Variants in COL6A6 observed in about 807,000 individuals in gnomAD.
COL6A6 encodes collagen type VI alpha 6 chain.
In COL6A6, 183 loss-of-function variants were observed where a neutral mutation model predicts 208.6. The ratio of observed to expected loss-of-function variants is 0.88; its 90% CI spans 0.78 to 0.99. The LOEUF is 0.99. Among genes scored for constraint, COL6A6 ranks in the 50% least tolerant of loss-of-function variants. The pLI, the probability that COL6A6 is intolerant of heterozygous loss-of-function variation, is 0.00. For missense variants in COL6A6, 2,816 were observed against 2,815.2 expected, an observed-to-expected ratio of 1.00 and a Z score of -0.01; for synonymous variants, 973 against 1,011.8, an observed-to-expected ratio of 0.96 and a Z score of 0.73.
intron 11 of COL6A6, among the ~76,000 whole-genome samples, chr3:130,587,287 G>A (rs1441812929): frequency 6.6e-6 from 1 of 152,210 alleles, no homozygotes; most frequent in Admixed American, 6.5e-5. Context: ...GTTTGAGACA[G>A]TCTTGCTCTA....
chr3:130,536,984 TA>T (rs2062240683), intron 1 of COL6A6, among the ~76,000 whole-genome samples: 1 of 152,210 alleles, frequency 6.6e-6, no homozygotes, highest in South Asian at 2.1e-4. Context: ...TTTTTTTAAG[TA>T]AAACTAACAG....
At chr3:130,628,666 A>G (rs1005071166) in intron 26 of COL6A6, among the ~76,000 whole-genome samples, 3 of 152,242 alleles carry the variant, frequency 2.0e-5, no homozygotes, top group Admixed American at 6.5e-5. Flanking sequence ...CCTAAAATGA[A>G]TGATCAAGTT....
In COL6A6 at chr3:130,628,376, A is replaced by G. The variant is rs145491231; in HGVS notation, c.4992+1007A>G. Among the ~76,000 whole-genome samples the G allele has an allele frequency of 2.1e-3, 314 of 152,354 alleles. 1 individual carries two copies. The highest frequency in any genetic ancestry group is 7.1e-3 in the African/African-American group (294 of 41,592). ...AATAAATTTTTATGTGACACTTTCA[A>G]GTAAAAATTTAGAATATACTCAGAA... On this transcript the variant is annotated intron_variant, in intron 26 of 36. Coordinates refer to ENST00000358511, the MANE Select transcript of COL6A6 (RefSeq NM_001102608.3).
At chr3:130,634,229 A>G (rs2065034834) in intron 26 of COL6A6, among the ~76,000 whole-genome samples, 1 of 139,802 alleles carries the variant, frequency 7.2e-6, no homozygotes, top group African/African-American at 2.6e-5. Flanking sequence ...AAATAAATAA[A>G]TAAATAAATA....
chr3:130,652,012 G>A (rs2065659067), intron 33 of COL6A6, among the ~76,000 whole-genome samples: 1 of 152,090 alleles, frequency 6.6e-6, no homozygotes, highest in Non-Finnish European at 1.5e-5. Context: ...ACCAATGAAG[G>A]TTTAAATTCT....
intron 35 of COL6A6, 30 bp downstream of exon 35, chr3:130,662,338 C>T (rs2065959606): frequency 1.3e-6 from 2 of 1,580,994 alleles, no homozygotes; most frequent in African/African-American, 1.4e-5. Flanking sequence ...GTTCTCTGCA[C>T]TTTAAGAATA....
chr3:130,541,913 T>C (rs2062372622), intron 1 of COL6A6, among the ~76,000 whole-genome samples: 1 of 152,218 alleles, frequency 6.6e-6, no homozygotes, highest in Admixed American at 6.5e-5. Context: ...AAGGAATTGG[T>C]CCATTTCATC....
intron 6 of COL6A6, among the ~76,000 whole-genome samples, chr3:130,570,430 T>G (rs2107926132): frequency 6.6e-6 from 1 of 152,176 alleles, no homozygotes; most frequent in African/African-American, 2.4e-5. Flanking sequence ...GTGGCTAAAA[T>G]AAAAAGAAAA....
intron 24 of COL6A6, among the ~76,000 whole-genome samples, chr3:130,625,244 C>T (rs559288120): frequency 1.3e-5 from 2 of 152,258 alleles, no homozygotes; most frequent in African/African-American, 4.8e-5. Context: ...CTTCGTTACC[C>T]CAGAGTTCAG....
At chr3:130,547,862 G>A (rs1434095799) in intron 1 of COL6A6, among the ~76,000 whole-genome samples, 2 of 152,242 alleles carry the variant, frequency 1.3e-5, no homozygotes, top group African/African-American at 4.8e-5. Flanking sequence ...CAGCGGTGCC[G>A]TCTCGGCTCG....
Position 130,568,051 on chromosome 3 carries a change from CAA to C in COL6A6, c.1850_1851del (p.Lys617ArgfsTer5). On this transcript the variant is annotated frameshift_variant, in exon 6 of 37. Transcript: ENST00000358511. LOFTEE classifies it high-confidence loss of function. ...ATCACAGTTTTTCCTATGCAGCTTG[CAA>C]AGAGATGAAAGCTGACATCATGTTT... ...VQEICTEEAC[K>X]EMKADIMFLV... 1 of 1,602,222 alleles carries C rather than the reference CAA, an allele frequency of 6.2e-7. No homozygotes were observed. Among genetic ancestry groups the C allele is most frequent in the Non-Finnish European group, 8.5e-7 (1 of 1,174,186 alleles).
At chr3:130,658,578 C>A in intron 33 of COL6A6, 98 bp from the exon 34 acceptor site, 1 of 746,130 alleles carries the variant, frequency 1.3e-6, no homozygotes, top group Non-Finnish European at 2.3e-6. Context: ...TTAGAAGGAG[C>A]AGTGTTACTC....
chr3:130,584,790 A>G (rs1172564908), intron 10 of COL6A6, among the ~76,000 whole-genome samples: 1 of 150,652 alleles, frequency 6.6e-6, no homozygotes, highest in Admixed American at 6.6e-5. Context: ...AATTTTTTGT[A>G]TTTTCAGTAG....
chr3:130,625,175 G>A (rs968813693), intron 24 of COL6A6, among the ~76,000 whole-genome samples: 3 of 152,154 alleles, frequency 2.0e-5, no homozygotes, highest in Non-Finnish European at 4.4e-5. Context: ...TTTGAGAACC[G>A]CTGTCCTAAA....
intron 1 of COL6A6, among the ~76,000 whole-genome samples, chr3:130,548,000 C>T (rs758543452): frequency 3.9e-5 from 6 of 152,184 alleles, no homozygotes; most frequent in Admixed American, 1.3e-4. Flanking sequence ...ACCATGTTGG[C>T]CAGGCTGGTC....
At chr3:130,590,565 G>C (rs1368338579) in intron 12 of COL6A6, among the ~76,000 whole-genome samples, 1 of 146,614 alleles carries the variant, frequency 6.8e-6, no homozygotes, top group Non-Finnish European at 1.5e-5. Context: ...GCGGTGTTTG[G>C]TTTTTTTGTC....
chr3:130,546,488 A>T lies in COL6A6; in HGVS notation c.-31-13846A>T, dbSNP rs149919640. Among the ~76,000 whole-genome samples the T allele has an allele frequency of 4.2e-3, 644 of 152,312 alleles. 6 individuals carry two copies. Among genetic ancestry groups the T allele is most frequent in the African/African-American group, 0.015 (607 of 41,566 alleles). On this transcript the variant is annotated intron_variant, in intron 1 of 36. Coordinates refer to ENST00000358511, the MANE Select transcript of COL6A6 (RefSeq NM_001102608.3). The stretch of plus-strand genomic sequence containing the variant: ...AACAAAAGAACAAAGCTTTCACAGC[A>T]TGGAAGAGGACCTAAGCAGGTTACC...
At chr3:130,625,746 A>T (rs943905034) in intron 24 of COL6A6, among the ~76,000 whole-genome samples, 1 of 152,210 alleles carries the variant, frequency 6.6e-6, no homozygotes, top group Non-Finnish European at 1.5e-5. Context: ...AAAAGAAAAA[A>T]TCTGAATAAA....
intron 6 of COL6A6, among the ~76,000 whole-genome samples, chr3:130,569,379 G>T (rs901847462): frequency 1.3e-5 from 2 of 152,138 alleles, no homozygotes. Context: ...TAATGGAAAT[G>T]ATCAAAAGTA....
Sources: gnomAD v4.1 joint callset for allele counts (sites outside exome capture counted in the v4.1 genomes callset) on GRCh38, gnomAD v4.1.1 for gene constraint, MANE v1.5 for transcripts, NCBI Gene and HGNC (gene_info 2026-07-23, HGNC 2026-07-21) for gene names.